Variants in FRYL observed in about 807,000 individuals in gnomAD.
FRYL encodes FRY like transcription coactivator.
A neutral mutation model predicts 351.2 loss-of-function variants in FRYL; 150 were observed. The ratio of observed to expected loss-of-function variants is 0.43; its 90% confidence interval spans 0.37 to 0.49. FRYL has a LOEUF of 0.49. FRYL is among the 20% of genes least tolerant of loss of function. The probability of loss-of-function intolerance (pLI) is 0.00; values close to 1 mark genes in which losing one functional copy is unlikely to be tolerated. For missense variants in FRYL, 3,036 were observed against 3,619.3 expected (o/e 0.84, Z 4.13); for synonymous variants, 1,153 against 1,257.1 (o/e 0.92, Z 1.75).
rs117262263 is a variant in FRYL at position 48,613,482 on chromosome 4, T to A, written c.412-3659A>T. ...GACAGCTAACGACAACACTCAGCCA[T>A]GCTATGTGCTCTTTGTTGCCACCCT... On this transcript the variant is annotated intron_variant, in intron 7 of 63. Coordinates refer to ENST00000358350, the MANE Select transcript of FRYL (RefSeq NM_015030.2). Among the ~76,000 whole-genome samples, 18 of 152,332 alleles carry A rather than the reference T, an allele frequency of 1.2e-4. No homozygotes were observed. In the East Asian group the frequency reaches 2.9e-3, roughly 24 times the overall value.
At chr4:48,766,301 G>A (rs1331849454) in intron 1 of FRYL, among the ~76,000 whole-genome samples, 1 of 152,154 alleles carries the variant, frequency 6.6e-6, no homozygotes, top group African/African-American at 2.4e-5. Context: ...GCTAGTCAGA[G>A]TCCACACTCC....
At chr4:48,535,522 A>G (rs2148902479) in intron 48 of FRYL, 135 bp downstream of exon 48, 2 of 427,018 alleles carry the variant, frequency 4.7e-6, no homozygotes, top group Non-Finnish European at 8.0e-6. Flanking sequence ...GCTTCTGCAT[A>G]TAAATCAACT....
intron 1 of FRYL, among the ~76,000 whole-genome samples, chr4:48,756,925 G>T (rs146567031): frequency 6.6e-6 from 1 of 152,272 alleles, no homozygotes; most frequent in African/African-American, 2.4e-5. Context: ...TCCAGCCTGG[G>T]CTACGGAGTG....
intron 3 of FRYL, among the ~76,000 whole-genome samples, chr4:48,642,473 T>G (rs1755535068): frequency 6.6e-6 from 1 of 152,158 alleles, no homozygotes; most frequent in African/African-American, 2.4e-5. Context: ...TTTCCCTCAC[T>G]ATCCAGTTCA....
chr4:48,643,973 C>T (rs1386925391), intron 3 of FRYL, among the ~76,000 whole-genome samples: 4 of 151,714 alleles, frequency 2.6e-5, no homozygotes, highest in Admixed American at 6.6e-5. Context: ...CATGGAGTTG[C>T]GCTCTTATTG....
intron 16 of FRYL, among the ~76,000 whole-genome samples, chr4:48,593,598 AGGTGATCTGCCCG>A (rs1743986425): frequency 6.6e-6 from 1 of 151,592 alleles, no homozygotes; most frequent in Non-Finnish European, 1.5e-5. Context: ...TGCCAGCCTC[AGGTGATCTGCCCG>A]CCTCAGCCTC....
chr4:48,728,609 C>T (rs75371704), intron 1 of FRYL, among the ~76,000 whole-genome samples: 2,974 of 152,168 alleles, frequency 0.02, 50 homozygotes, highest in Non-Finnish European at 0.03. Context: ...CCAAATCATA[C>T]GCAACTACAG....
chr4:48,651,911 T>G (rs1029047823), intron 3 of FRYL, among the ~76,000 whole-genome samples: 1 of 152,216 alleles, frequency 6.6e-6, no homozygotes, highest in African/African-American at 2.4e-5. Flanking sequence ...TGCTGAACAC[T>G]GAGACTAGCA....
intron 3 of FRYL, among the ~76,000 whole-genome samples, chr4:48,657,857 T>G (rs1351982480): frequency 1.3e-5 from 2 of 152,222 alleles, no homozygotes; most frequent in African/African-American, 2.4e-5. Context: ...TACTAAAGAT[T>G]TGACACAAAA....
chr4:48,687,320 T>C (rs766479369), intron 2 of FRYL, among the ~76,000 whole-genome samples: 1 of 152,088 alleles, frequency 6.6e-6, no homozygotes, highest in African/African-American at 2.4e-5. Context: ...CGGACATCAG[T>C]TGGTATTTGA....
intron 3 of FRYL, among the ~76,000 whole-genome samples, chr4:48,684,415 T>C (rs1194843840): frequency 6.6e-6 from 1 of 152,110 alleles, no homozygotes; most frequent in Admixed American, 6.5e-5. Context: ...CTCTGAGACA[T>C]ACAGCAAAGG....
intron 3 of FRYL, among the ~76,000 whole-genome samples, chr4:48,657,319 C>A (rs897440165): frequency 1.7e-4 from 25 of 151,504 alleles, no homozygotes; most frequent in Admixed American, 1.4e-3. Context: ...GACAGGTGCA[C>A]ACCACCACGC....
intron 1 of FRYL, among the ~76,000 whole-genome samples, chr4:48,739,128 C>T (rs114807211): frequency 8.5e-5 from 13 of 152,134 alleles, no homozygotes; most frequent in African/African-American, 1.2e-4. Context: ...TGGCTGGGCA[C>T]GGTGGCTCAT....
chr4:48,536,731 T>C (rs1728974767), intron 47 of FRYL, among the ~76,000 whole-genome samples: 1 of 152,248 alleles, frequency 6.6e-6, no homozygotes, highest in African/African-American at 2.4e-5. Context: ...TATTCTTCTA[T>C]CTTATGGATG....
chr4:48,563,279 T>TAA (rs775777275), intron 31 of FRYL, among the ~76,000 whole-genome samples: 4 of 126,258 alleles, frequency 3.2e-5, no homozygotes, highest in Admixed American at 7.9e-5. Context: ...GCTGATGAAC[T>TAA]AAAAAAAAAA....
In FRYL at chr4:48,499,561, G is replaced by A; in HGVS notation, c.8903C>T (p.Ser2968Phe). 6.2e-7 allele frequency: 1 copy of A among 1,614,094 alleles called. No homozygotes were observed. The highest frequency in any genetic ancestry group is 8.5e-7 in the Non-Finnish European group (1 of 1,179,988). ...GTTGGCTTCTGACATGTCCAGGTTA[G>A]AGCCTATAACTGCAAAGCTTCCTGT... Reference protein sequence around the residue: ...GQTGSFAVIGSNLDMSEANYK... With the variant: ...GQTGSFAVIGFNLDMSEANYK... Residue 2968 changes from serine (S) to phenylalanine (F), a missense_variant, in exon 64 of 64, where the codon TCT becomes TTT. Ser to Phe is a radical substitution (Grantham distance 155). Coordinates refer to ENST00000358350, the MANE Select transcript of FRYL (RefSeq NM_015030.2).
chr4:48,499,827 A>G (rs1560491910), intron 63 of FRYL, 147 bp from the exon 64 acceptor site: 1 of 842,844 alleles, frequency 1.2e-6, no homozygotes, highest in East Asian at 2.6e-5. Context: ...TCAAAGTACC[A>G]CCTGAATTCA....
At chr4:48,622,782 A>G (rs1456283661) in intron 5 of FRYL, among the ~76,000 whole-genome samples, 1 of 152,180 alleles carries the variant, frequency 6.6e-6, no homozygotes, top group Non-Finnish European at 1.5e-5. Flanking sequence ...GCAGATTGAG[A>G]GCCCCACAGA....
chr4:48,699,641 T>C (rs1248444488), intron 2 of FRYL, among the ~76,000 whole-genome samples: 1 of 152,216 alleles, frequency 6.6e-6, no homozygotes, highest in East Asian at 1.9e-4. Flanking sequence ...AGTTTCTCTA[T>C]TACAGGGAAA....
Sources: allele counts gnomAD v4.1 joint callset (sites outside exome capture counted in the v4.1 genomes callset), GRCh38; gene constraint gnomAD v4.1.1; transcripts MANE v1.5; gene names NCBI Gene and HGNC (gene_info 2026-07-23, HGNC 2026-07-21).